Variants in TRDN observed in about 807,000 individuals in gnomAD.
TRDN encodes triadin.
In TRDN, 161 loss-of-function variants were observed where a neutral mutation model predicts 149.7. The observed-to-expected ratio is 1.08, with a 90% CI of 0.95 to 1.23. The LOEUF is 1.23. TRDN is among the 50% of genes most tolerant of loss of function. TRDN has a pLI of 0.00. For synonymous variants in TRDN, 294 were observed against 250.5 expected (o/e 1.17, Z -1.64); for missense variants, 896 against 823.5 (o/e 1.09, Z -1.08).
chr6:123,587,154 G>A lies in TRDN; in HGVS notation c.23-16022C>T, dbSNP rs145242967. On this transcript the variant is annotated intron_variant, in intron 1 of 40. Coordinates refer to ENST00000334268, the MANE Select transcript of TRDN (RefSeq NM_006073.4). Reference sequence around the variant, plus strand: ...GTACTTGCCCCTTCCCCAGAAAAGCGGGACTTGCCACTAAGGATGAAGGAC... The same window carrying A: ...GTACTTGCCCCTTCCCCAGAAAAGCAGGACTTGCCACTAAGGATGAAGGAC... Among the ~76,000 whole-genome samples, 468 of 152,142 alleles carry A rather than the reference G, an allele frequency of 3.1e-3. 5 individuals are homozygous for A. The highest frequency in any genetic ancestry group is 0.01 in the African/African-American group (425 of 41,520).
intron 24 of TRDN, 99 bp downstream of exon 24, chr6:123,316,358 A>G (rs1437841532): frequency 9.3e-6 from 11 of 1,180,574 alleles, no homozygotes; most frequent in Non-Finnish European, 1.4e-5. Flanking sequence ...TTGGATGTCT[A>G]AATATTTTAT....
Position 123,298,299 on chromosome 6 carries a change from C to A in TRDN, c.1510+18158G>T, listed in dbSNP as rs546803289. On this transcript the variant is annotated intron_variant, in intron 24 of 40. Transcript: ENST00000334268. ...CACTTGTTTATTTCTTCCTCCATTT[C>A]TGCCTTCATTGTAGCCTCAAATATA... 1.4e-4 allele frequency among the ~76,000 whole-genome samples: 22 copies of A among 152,100 alleles called. 1 individual carries two copies. In the South Asian group the frequency reaches 3.1e-3, roughly 22 times the overall value.
chr6:123,620,506 A>G (rs1020001063), intron 1 of TRDN, among the ~76,000 whole-genome samples: 1 of 152,158 alleles, frequency 6.6e-6, no homozygotes, highest in African/African-American at 2.4e-5. Context: ...AAGAATGCCT[A>G]GTATACCCAT....
chr6:123,421,012 T>C (rs1309948101), intron 12 of TRDN, among the ~76,000 whole-genome samples: 1 of 152,184 alleles, frequency 6.6e-6, no homozygotes, highest in African/African-American at 2.4e-5. Context: ...TGATTCTTTC[T>C]TTTTTCTAAC....
At chr6:123,448,859 C>T (rs907155551) in intron 10 of TRDN, among the ~76,000 whole-genome samples, 3 of 152,108 alleles carry the variant, frequency 2.0e-5, no homozygotes, top group Non-Finnish European at 4.4e-5. Context: ...CACTGGTATT[C>T]GTGGCTGAGA....
At chr6:123,412,687 G>C (rs868316563) in intron 12 of TRDN, among the ~76,000 whole-genome samples, 1 of 152,106 alleles carries the variant, frequency 6.6e-6, no homozygotes, top group Middle Eastern at 3.4e-3. Context: ...AGGCTCAGCT[G>C]GGAACTTACC....
chr6:123,385,685 A>C (rs1282090404), intron 14 of TRDN, among the ~76,000 whole-genome samples: 1 of 152,108 alleles, frequency 6.6e-6, no homozygotes, highest in Non-Finnish European at 1.5e-5. Context: ...TATTTTCTCT[A>C]TTTATAGTAA....
intron 1 of TRDN, among the ~76,000 whole-genome samples, chr6:123,629,555 T>C (rs760092756): frequency 5.9e-5 from 9 of 152,240 alleles, no homozygotes; most frequent in South Asian, 4.1e-4. Flanking sequence ...GGTCAAAATA[T>C]CATGTCTTTA....
In TRDN at chr6:123,259,676, A is replaced by G; in HGVS notation, c.1832-14T>C. On this transcript the variant is annotated splice_polypyrimidine_tract_variant and intron_variant, in intron 34 of 40. Coordinates refer to ENST00000334268, the MANE Select transcript of TRDN (RefSeq NM_006073.4). The stretch of plus-strand genomic sequence containing the variant: ...TTTTCTTCTTTCCTAGGGGAAAGAA[A>G]AACAACAAGAAACCATCATTTTAAA... 2 of 1,449,628 alleles carry G rather than the reference A, an allele frequency of 1.4e-6. No homozygotes were observed. Among genetic ancestry groups the G allele is most frequent in the Middle Eastern group, 1.8e-4 (1 of 5,510 alleles). The allele number at this position is 1,449,628 out of a possible 1,614,324, so 89.8% of individuals were successfully genotyped here.
chr6:123,529,360 G>A lies in TRDN; in HGVS notation c.484+1146C>T, dbSNP rs1400987989. On this transcript the variant is annotated intron_variant, in intron 5 of 40. Transcript: ENST00000334268. ...CAGTAAGGAGACATTAGTTTCCTAA[G>A]TACAAATATAAATAGGTTTCAACTG... 1.9e-6 allele frequency: 3 copies of A among 1,547,080 alleles called. No individual in the cohort carries two copies. In the African/African-American group the frequency reaches 4.1e-5, roughly 21 times the overall value.
intron 10 of TRDN, among the ~76,000 whole-genome samples, chr6:123,463,872 G>T (rs868009791): frequency 3.6e-4 from 55 of 151,256 alleles, no homozygotes; most frequent in African/African-American, 1.3e-3. Flanking sequence ...GAATCCTCAT[G>T]AGTGTCATCA....
In TRDN at chr6:123,331,879, C is replaced by A; in HGVS notation, c.1471G>T (p.Glu491Ter). The change falls in exon 23 of 41, where the codon GAA becomes TAA. Residue 491 changes from glutamate to a stop codon, truncating the protein, a stop_gained and splice_region_variant. Coordinates refer to ENST00000334268, the MANE Select transcript of TRDN (RefSeq NM_006073.4). LOFTEE classifies it high-confidence loss of function. ...EKVPASLKEKEPETKKDEKMS... is the reference protein window; with the variant it reads ...EKVPASLKEK ...TTCACATTTCATTGTATAATATTAC[C>A]TTTTTCCTTTAGGGAAGCTGGAACT... The A allele has an allele frequency of 6.5e-7, 1 of 1,538,664 alleles. No individual in the cohort carries two copies. The highest frequency in any genetic ancestry group is 8.8e-7 in the Non-Finnish European group (1 of 1,138,974).
intron 1 of TRDN, among the ~76,000 whole-genome samples, chr6:123,603,687 A>G (rs1396682915): frequency 6.6e-6 from 1 of 152,112 alleles, no homozygotes; most frequent in Non-Finnish European, 1.5e-5. Context: ...GATTCTTTAT[A>G]CTTTGCTTAC....
intron 36 of TRDN, among the ~76,000 whole-genome samples, chr6:123,255,653 G>A (rs936647337): frequency 4.6e-5 from 7 of 152,046 alleles, no homozygotes; most frequent in Non-Finnish European, 1.0e-4. Context: ...ATTTGCATGG[G>A]TTGGCTTACC....
At chr6:123,360,076 T>C (rs1478408858) in intron 20 of TRDN, among the ~76,000 whole-genome samples, 1 of 152,176 alleles carries the variant, frequency 6.6e-6, no homozygotes, top group East Asian at 1.9e-4. Context: ...GTTTGTTACA[T>C]AGGTAAACGT....
chr6:123,353,296 C>T (rs1212782812), intron 20 of TRDN, among the ~76,000 whole-genome samples: 1 of 151,806 alleles, frequency 6.6e-6, no homozygotes, highest in East Asian at 1.9e-4. Context: ...ACCCAAATAT[C>T]ACCCCACATA....
intron 5 of TRDN, among the ~76,000 whole-genome samples, chr6:123,518,793 T>TGGAC (rs1779533195): frequency 6.6e-6 from 1 of 152,142 alleles, no homozygotes; most frequent in South Asian, 2.1e-4. Flanking sequence ...GTGAAGCAGC[T>TGGAC]GGACCCTTGG....
chr6:123,224,612 T>C (rs1408458809), intron 38 of TRDN, among the ~76,000 whole-genome samples: 1 of 151,754 alleles, frequency 6.6e-6, no homozygotes, highest in Non-Finnish European at 1.5e-5. Context: ...TGCACATACA[T>C]GAGTCAACTA....
At chr6:123,507,924 T>C (rs1779003815) in intron 7 of TRDN, among the ~76,000 whole-genome samples, 1 of 152,046 alleles carries the variant, frequency 6.6e-6, no homozygotes, top group South Asian at 2.1e-4. Context: ...AAATAACAAA[T>C]TTTCTCTCTC....
Sources: gnomAD v4.1 joint callset for allele counts (sites outside exome capture counted in the v4.1 genomes callset) on GRCh38, gnomAD v4.1.1 for gene constraint, MANE v1.5 for transcripts, NCBI Gene and HGNC (gene_info 2026-07-23, HGNC 2026-07-21) for gene names.